Variants in NECTIN3 observed in about 807,000 individuals in gnomAD.
The protein encoded by NECTIN3 is nectin-3.
NECTIN3 carries 8 observed loss-of-function variants against 49.4 expected under a neutral mutation model. That is an observed-to-expected ratio of 0.16 (90% CI 0.10 to 0.29). The LOEUF (loss-of-function observed/expected upper bound fraction) is 0.29. NECTIN3 is among the 10% of genes least tolerant of loss of function. NECTIN3 has a pLI of 1.00. For synonymous variants in NECTIN3, 277 were observed against 241.1 expected, an observed-to-expected ratio of 1.15 and a Z score of -1.38; for missense variants, 581 against 654.6, an observed-to-expected ratio of 0.89 and a Z score of 1.23.
intron 7 of NECTIN3, among the ~76,000 whole-genome samples, chr3:111,175,022 A>T (rs906721829): frequency 6.6e-6 from 1 of 151,964 alleles, no homozygotes; most frequent in Non-Finnish European, 1.5e-5. Flanking sequence ...AGTGGGATGG[A>T]TGGGGAGCTG....
intron 1 of NECTIN3, among the ~76,000 whole-genome samples, chr3:111,081,774 C>A (rs921587997): frequency 2.0e-5 from 3 of 152,062 alleles, no homozygotes; most frequent in Admixed American, 6.6e-5. Context: ...ACTTAAAGAC[C>A]ACTGAGATGA....
At chr3:111,139,175 A>G (rs950267914), downstream of NECTIN3, among the ~76,000 whole-genome samples, 15 of 151,748 alleles carry the variant, frequency 9.9e-5, no homozygotes, top group Non-Finnish European at 3.0e-5. Flanking sequence ...CTTTTTAGAA[A>G]GTAACCACAG....
At chr3:111,147,468 A>C (rs1163833604) in exon 7 of NECTIN3, 1 of 1,526,216 alleles carries the variant, frequency 6.6e-7, no homozygotes, top group Non-Finnish European at 8.8e-7. Flanking sequence ...CCTTTGCCTC[A>C]GAAAGACCTA....
At position 111,087,652 on chromosome 3, in the gene NECTIN3, C is replaced by CA. The variant is rs1167891127; in HGVS notation, c.160+15483dup. On this transcript the variant is annotated intron_variant, in intron 1 of 5. Coordinates refer to ENST00000485303, the MANE Select transcript of NECTIN3 (RefSeq NM_015480.3). ...TGAGCAACAGAGCGAGACTCTGTCT[C>CA]AAAAAAAATAAAGAAAGAAAACAGC... Among the ~76,000 whole-genome samples, 8 of 149,422 alleles carry CA rather than the reference C, an allele frequency of 5.4e-5. No homozygotes were observed. In the Middle Eastern group the frequency reaches 0.01, roughly 192 times the overall value.
At chr3:111,169,694 C>T (rs2035398445) in intron 7 of NECTIN3, among the ~76,000 whole-genome samples, 1 of 152,104 alleles carries the variant, frequency 6.6e-6, no homozygotes, top group Non-Finnish European at 1.5e-5. Flanking sequence ...TAACTAACTC[C>T]TGGAAAGATG....
intron 7 of NECTIN3, among the ~76,000 whole-genome samples, chr3:111,159,611 A>G (rs964091532): frequency 6.6e-6 from 1 of 152,188 alleles, no homozygotes; most frequent in Non-Finnish European, 1.5e-5. Context: ...AGTTGAAAAC[A>G]CCATTTGAGG....
chr3:111,121,120 A>G (rs1420444092), intron 3 of NECTIN3, among the ~76,000 whole-genome samples: 1 of 146,854 alleles, frequency 6.8e-6, no homozygotes, highest in African/African-American at 2.5e-5. Context: ...CTCCTGCCTC[A>G]GCCTCCCGAG....
upstream of NECTIN3, among the ~76,000 whole-genome samples, chr3:111,190,001 C>G (rs2035786184): frequency 6.6e-6 from 1 of 152,202 alleles, no homozygotes; most frequent in East Asian, 1.9e-4. Flanking sequence ...GGCCAAAAAC[C>G]ACACAGCAGG....
chr3:111,166,676 G>T (rs1185209468), intron 7 of NECTIN3, among the ~76,000 whole-genome samples: 1 of 152,172 alleles, frequency 6.6e-6, no homozygotes, highest in Non-Finnish European at 1.5e-5. Flanking sequence ...GGTGCAGCAT[G>T]AATATGGATT....
At chr3:111,072,490 G>A (rs1369152843) in intron 1 of NECTIN3, 13 of 1,535,756 alleles carry the variant, frequency 8.5e-6, no homozygotes, top group Non-Finnish European at 1.1e-5. Flanking sequence ...TTACTTCCTC[G>A]CTCATTCTCT....
At chr3:111,122,352 T>A in intron 4 of NECTIN3, 114 bp downstream of exon 4, 1 of 750,880 alleles carries the variant, frequency 1.3e-6, no homozygotes, top group Non-Finnish European at 2.1e-6. Context: ...CAGAAAATTT[T>A]AATTAAATTT....
At chr3:111,183,473 G>A (rs1344328164) in intron 7 of NECTIN3, among the ~76,000 whole-genome samples, 1 of 151,892 alleles carries the variant, frequency 6.6e-6, no homozygotes, top group Non-Finnish European at 1.5e-5. Context: ...CACCACACCT[G>A]GCTAATTTTT....
At chr3:111,120,343 T>C (rs1371153300) in intron 3 of NECTIN3, among the ~76,000 whole-genome samples, 1 of 152,148 alleles carries the variant, frequency 6.6e-6, no homozygotes, top group Non-Finnish European at 1.5e-5. Flanking sequence ...AAAATGTTCT[T>C]AGAATAGTCA....
At chr3:111,129,524 A>G (rs956134099) in intron 5 of NECTIN3, among the ~76,000 whole-genome samples, 2 of 152,248 alleles carry the variant, frequency 1.3e-5, no homozygotes, top group Non-Finnish European at 2.9e-5. Context: ...TAAAACAATC[A>G]GGAATCAATT....
chr3:111,175,927 A>G (rs2035520167), intron 7 of NECTIN3, among the ~76,000 whole-genome samples: 1 of 152,102 alleles, frequency 6.6e-6, no homozygotes. Context: ...TTCCTCTACT[A>G]TTTTTCCAAA....
intron 7 of NECTIN3, among the ~76,000 whole-genome samples, chr3:111,165,516 A>T (rs942968256): frequency 6.6e-6 from 1 of 152,148 alleles, no homozygotes; most frequent in Non-Finnish European, 1.5e-5. Flanking sequence ...GAGTAGAGAA[A>T]ATCTTTTAAG....
At chr3:111,132,844 A>G (rs1559799690) in intron 5 of NECTIN3, among the ~76,000 whole-genome samples, 1 of 151,950 alleles carries the variant, frequency 6.6e-6, no homozygotes, top group Non-Finnish European at 1.5e-5. Context: ...TAACTTGCCC[A>G]TAGGGTGTTA....
At chr3:111,193,056 A>G (rs2035841063) in intron 1 of NECTIN3, 2 of 696,116 alleles carry the variant, frequency 2.9e-6, no homozygotes, top group African/African-American at 1.8e-5. Flanking sequence ...TAAGTTGTTG[A>G]ACTTTACCTT....
At chr3:111,142,950 C>T (rs969520088) in intron 5 of NECTIN3, among the ~76,000 whole-genome samples, 13 of 151,718 alleles carry the variant, frequency 8.6e-5, no homozygotes, top group Non-Finnish European at 1.8e-4. Context: ...GAGTAAATAA[C>T]GTACTTGACA....
Sources: allele counts gnomAD v4.1 joint callset (sites outside exome capture counted in the v4.1 genomes callset), GRCh38; gene constraint gnomAD v4.1.1; transcripts MANE v1.5; gene names NCBI Gene and HGNC (gene_info 2026-07-23, HGNC 2026-07-21).